The following PRH1 variants were observed in gnomAD, a reference collection of about 807,000 sequenced individuals.
PRH1 encodes salivary acidic proline-rich phosphoprotein 1/2.
Under a neutral mutation model 7.9 loss-of-function variants are expected in PRH1, and 7 were observed. The ratio of observed to expected loss-of-function variants is 0.89; its 90% confidence interval spans 0.50 to 1.67. PRH1 has a LOEUF of 1.67. Ranked by LOEUF, PRH1 falls within the 40% of genes most tolerant of loss-of-function variation. The pLI, the probability that PRH1 is intolerant of heterozygous loss-of-function variation, is 0.00. For missense variants in PRH1, 109 were observed against 223.6 expected, an observed-to-expected ratio of 0.49 and a Z score of 3.27; for synonymous variants, 45 against 80.8, an observed-to-expected ratio of 0.56 and a Z score of 2.38.
rs1488349551 is a variant in PRH1 at position 11,093,143 on chromosome 12, T to A, written n.124-45955A>T. Among the ~76,000 whole-genome samples, 2 of 116,316 alleles carry A rather than the reference T, an allele frequency of 1.7e-5. 1 individual carries two copies. The highest frequency in any genetic ancestry group is 5.8e-5 in the African/African-American group (2 of 34,644). 76.3% of individuals were successfully genotyped at this position (116,316 alleles called of 152,430 possible). On this transcript the variant is annotated intron_variant and non_coding_transcript_variant, in intron 1 of 4. Transcript: ENST00000541977. ...AGTGACTTCAGTTGTTAGGGAAGTT[T>A]TGTAACTTAATATATATATCATCCA...
At chr12:10,999,252 A>G (rs932096874) in intron 1 of PRH1, among the ~76,000 whole-genome samples, 1 of 152,174 alleles carries the variant, frequency 6.6e-6, no homozygotes, top group Non-Finnish European at 1.5e-5. Context: ...GAAATTCAGG[A>G]GCCAAAGGAA....
At chr12:11,067,954 T>C (rs777175943) in intron 1 of PRH1, among the ~76,000 whole-genome samples, 1 of 152,200 alleles carries the variant, frequency 6.6e-6, no homozygotes, top group Non-Finnish European at 1.5e-5. Context: ...CTAATAACAA[T>C]GGTATCTATA....
intron 1 of PRH1, among the ~76,000 whole-genome samples, chr12:11,122,869 C>A (rs796192031): frequency 8.8e-6 from 1 of 113,586 alleles, no homozygotes; most frequent in African/African-American, 2.9e-5. Context: ...ACTCATGTAA[C>A]CATTATGTAG....
At chr12:10,906,281 A>G (rs758690684) in intron 2 of PRH1, among the ~76,000 whole-genome samples, 4 of 152,208 alleles carry the variant, frequency 2.6e-5, no homozygotes, top group Non-Finnish European at 5.9e-5. Context: ...GCAAATATTT[A>G]TTCCAACTGT....
intron 2 of PRH1, among the ~76,000 whole-genome samples, chr12:10,904,933 C>A (rs1372828186): frequency 6.6e-6 from 1 of 151,666 alleles, no homozygotes; most frequent in African/African-American, 2.4e-5. Context: ...GGCTCAACAT[C>A]ACTAATCATT....
intron 1 of PRH1, among the ~76,000 whole-genome samples, chr12:11,147,340 A>G (rs1223508139): frequency 2.0e-5 from 3 of 151,984 alleles, no homozygotes; most frequent in Non-Finnish European, 2.9e-5. Flanking sequence ...GGTGTGTGCC[A>G]CCACACACCG....
At chr12:10,982,134 T>G (rs1454772140) in intron 1 of PRH1, among the ~76,000 whole-genome samples, 1 of 152,148 alleles carries the variant, frequency 6.6e-6, no homozygotes, top group Non-Finnish European at 1.5e-5. Flanking sequence ...CTGTCAGGAC[T>G]CTTACATTTC....
chr12:11,141,390 C>T (rs925040457), intron 1 of PRH1, among the ~76,000 whole-genome samples: 1 of 152,140 alleles, frequency 6.6e-6, no homozygotes, highest in South Asian at 2.1e-4. Context: ...TTTTCCTCTG[C>T]TTAATTTATT....
chr12:10,891,725 A>G (rs1199922539), intron 2 of PRH1: 1 of 152,222 alleles, frequency 6.6e-6, no homozygotes, highest in Non-Finnish European at 1.5e-5. Context: ...GAGGAATATC[A>G]TCGTACTATT....
At chr12:11,059,556 T>C (rs1005620824) in intron 1 of PRH1, among the ~76,000 whole-genome samples, 6 of 149,430 alleles carry the variant, frequency 4.0e-5, no homozygotes, top group African/African-American at 1.2e-4. Flanking sequence ...TAGAAAAAAA[T>C]ACATATTCAA....
chr12:10,919,482 G>A (rs894180869), intron 2 of PRH1, among the ~76,000 whole-genome samples: 32 of 152,252 alleles, frequency 2.1e-4, no homozygotes, highest in African/African-American at 7.2e-4. Flanking sequence ...TTTCCTTAAT[G>A]ACATGTGCTT....
intron 1 of PRH1, among the ~76,000 whole-genome samples, chr12:11,058,750 G>C (rs1943469568): frequency 6.6e-6 from 1 of 150,958 alleles, no homozygotes; most frequent in Non-Finnish European, 1.5e-5. Flanking sequence ...TGGGAGAGGG[G>C]AGAGCAAATC....
At chr12:11,153,853 G>A (rs987026092) in intron 1 of PRH1, among the ~76,000 whole-genome samples, 3 of 152,024 alleles carry the variant, frequency 2.0e-5, no homozygotes, top group Admixed American at 6.6e-5. Flanking sequence ...TGAATGGGTA[G>A]ATATAACAAT....
rs1430387609 is a variant in PRH1, at chr12:11,144,778, T to C, written n.40-23598A>G. Among the ~76,000 whole-genome samples the C allele has an allele frequency of 5.9e-5, 9 of 152,338 alleles. No homozygotes were observed. The East Asian group carries it at 1.2e-3, about 20-fold the overall frequency. ...AGCTCCCAGGGCCTTCTGCCCTGCTTCCTCTACCCCTGCATTTCACTCAGC... is the reference window on the plus strand; with the variant it reads ...AGCTCCCAGGGCCTTCTGCCCTGCTCCCTCTACCCCTGCATTTCACTCAGC... On this transcript the variant is annotated intron_variant and non_coding_transcript_variant, in intron 1 of 1. Transcript: ENST00000541175.
At chr12:11,103,316 A>T (rs917428169) in intron 1 of PRH1, among the ~76,000 whole-genome samples, 3 of 152,146 alleles carry the variant, frequency 2.0e-5, no homozygotes, top group Admixed American at 6.5e-5. Flanking sequence ...TAGACTGGAT[A>T]AAGAAAATGT....
chr12:10,938,027 T>C, intron 2 of PRH1: 1 of 399,350 alleles, frequency 2.5e-6, no homozygotes, highest in Non-Finnish European at 4.4e-6. Flanking sequence ...TGATACAAAA[T>C]CTATATTATC....
intron 2 of PRH1, among the ~76,000 whole-genome samples, chr12:10,935,953 C>T (rs1246082438): frequency 2.6e-5 from 4 of 152,052 alleles, no homozygotes; most frequent in African/African-American, 9.7e-5. Context: ...GGCTTGGCAT[C>T]TTCCAGGATA....
intron 1 of PRH1, among the ~76,000 whole-genome samples, chr12:11,110,236 A>G (rs1055397464): frequency 1.3e-5 from 2 of 152,206 alleles, no homozygotes; most frequent in African/African-American, 2.4e-5. Flanking sequence ...CAAAGTTGGA[A>G]AACACTCTTC....
rs562958731 is a variant in PRH1 at position 10,985,815 on chromosome 12, T to C, written c.-125-12094A>G. The C allele has an allele frequency of 5.5e-6, 5 of 912,990 alleles. No individual in the cohort carries two copies. The South Asian group carries it at 5.9e-5, about 11-fold the overall frequency. The allele number at this position is 912,990 out of a possible 1,614,324, so 56.6% of individuals were successfully genotyped here. On this transcript the variant is annotated intron_variant, in intron 1 of 3. Transcript: ENST00000539853. ...GGTAAAAGACTTTTCTAGGTATGCTTTCAGAAAATACTCAAAAACATACAC... is the reference window on the plus strand; with the variant it reads ...GGTAAAAGACTTTTCTAGGTATGCTCTCAGAAAATACTCAAAAACATACAC...
Sources: gnomAD v4.1 joint callset for allele counts (sites outside exome capture counted in the v4.1 genomes callset) on GRCh38, gnomAD v4.1.1 for gene constraint, MANE v1.5 for transcripts, NCBI Gene and HGNC (gene_info 2026-07-23, HGNC 2026-07-21) for gene names.